DCDC2C: variants seen among roughly 807,000 people sequenced by gnomAD.
DCDC2C encodes doublecortin domain-containing protein 2C.
In DCDC2C, 44 loss-of-function variants were observed where a neutral mutation model predicts 45.0. The ratio of observed to expected loss-of-function variants is 0.98; its 90% CI spans 0.77 to 1.26. The LOEUF (loss-of-function observed/expected upper bound fraction) is 1.26, where lower values mean the gene tolerates loss of function less well. Among genes scored for constraint, DCDC2C ranks in the 50% most tolerant of loss-of-function variants. The probability of loss-of-function intolerance (pLI) is 0.00; values close to 1 mark genes in which losing one functional copy is unlikely to be tolerated. For missense variants in DCDC2C, 447 were observed against 468.9 expected, an observed-to-expected ratio of 0.95 and a Z score of 0.43; for synonymous variants, 187 against 178.8, an observed-to-expected ratio of 1.05 and a Z score of -0.37.
chr2:3,749,827 C>T (rs1482124342), intron 4 of DCDC2C, among the ~76,000 whole-genome samples: 1 of 152,174 alleles, frequency 6.6e-6, no homozygotes, highest in Non-Finnish European at 1.5e-5. Flanking sequence ...AAGCACACAA[C>T]TTCCTAGAAG....
chr2:3,758,539 A>G (rs190540586), intron 6 of DCDC2C, among the ~76,000 whole-genome samples: 1 of 152,360 alleles, frequency 6.6e-6, no homozygotes, highest in African/African-American at 2.4e-5. Flanking sequence ...GATTCCATCT[A>G]TTCTTGCAGA....
At chr2:3,755,818 G>A (rs1459617571) in intron 6 of DCDC2C, among the ~76,000 whole-genome samples, 5 of 152,054 alleles carry the variant, frequency 3.3e-5, no homozygotes, top group African/African-American at 1.2e-4. Flanking sequence ...ATGTGTGCAT[G>A]TGTGCATGAG....
chr2:3,782,102 C>T (rs959217602), intron 9 of DCDC2C, among the ~76,000 whole-genome samples: 2 of 152,100 alleles, frequency 1.3e-5, no homozygotes. Flanking sequence ...AACTCTGTGC[C>T]ACCTCCCTGT....
chr2:3,839,750 G>A (rs915912790), intron 10 of DCDC2C, among the ~76,000 whole-genome samples: 5 of 152,142 alleles, frequency 3.3e-5, no homozygotes, highest in African/African-American at 1.2e-4. Context: ...GTCAGCTCCC[G>A]CATCTGCTCC....
chr2:3,714,350 G>A lies in DCDC2C; in HGVS notation c.339+5750G>A, dbSNP rs144988125. 9.4e-3 allele frequency among the ~76,000 whole-genome samples: 1,425 copies of A among 152,280 alleles called. 19 individuals are homozygous for A. The highest frequency in any genetic ancestry group is 0.033 in the African/African-American group (1,366 of 41,548). On this transcript the variant is annotated intron_variant, in intron 2 of 10. Coordinates refer to ENST00000399143, the MANE Select transcript of DCDC2C (RefSeq NM_001287444.2). ...GGCTTTCAATGACTGTGCCATGTTG[G>A]TTTAATGAGAAAAGTGTCCTTGGTC...
chr2:3,754,709 G>A lies in DCDC2C; in HGVS notation c.726+75G>A, dbSNP rs754388751. 5.9e-5 allele frequency: 78 copies of A among 1,324,602 alleles called. No homozygotes were observed. In the Middle Eastern group the frequency reaches 7.3e-4, roughly 12 times the overall value. The allele number at this position is 1,324,602 out of a possible 1,614,324, so 82.1% of individuals were successfully genotyped here. On this transcript the variant is annotated intron_variant, in intron 6 of 10. Transcript: ENST00000399143. The stretch of plus-strand genomic sequence containing the variant: ...CTTCTGGCATTAACAAGGGCACAGC[G>A]CAGGGTGACGGCCCGAGCTGTAAAC...
chr2:3,794,935 G>A (rs574203748), intron 10 of DCDC2C, among the ~76,000 whole-genome samples: 20 of 152,140 alleles, frequency 1.3e-4, no homozygotes, highest in African/African-American at 2.9e-4. Flanking sequence ...CTGAGGAATC[G>A]CCACACTGAC....
At chr2:3,809,394 G>A (rs1291719840) in intron 10 of DCDC2C, among the ~76,000 whole-genome samples, 5 of 152,124 alleles carry the variant, frequency 3.3e-5, no homozygotes, top group Non-Finnish European at 7.4e-5. Flanking sequence ...ATTTATTCAT[G>A]TCTATTTTTG....
chr2:3,767,800 C>G lies in DCDC2C; in HGVS notation c.773C>G (p.Pro258Arg), dbSNP rs1341599257. ...CCTTGTAAATATGATGGCATACCCC[C>G]TAAAACACAGGATTCTGTTTATTAT... ...KEPCKYDGIP[P>R]KTQDSVYYAK... Residue 258 changes from proline (P) to arginine (R), a missense_variant, in exon 7 of 11, where the codon CCT becomes CGT. Coordinates refer to ENST00000399143, the MANE Select transcript of DCDC2C (RefSeq NM_001287444.2). 8 of 1,549,824 alleles carry G rather than the reference C, an allele frequency of 5.2e-6. No homozygotes were observed. In the South Asian group the frequency reaches 8.4e-5, roughly 16 times the overall value.
chr2:3,759,104 CA>C (rs1382267620), intron 6 of DCDC2C, among the ~76,000 whole-genome samples: 4 of 152,150 alleles, frequency 2.6e-5, no homozygotes, highest in Non-Finnish European at 5.9e-5. Context: ...ATGTGCAGTT[CA>C]GGTACCAACG....
chr2:3,745,070 C>T (rs1444791864), intron 4 of DCDC2C, among the ~76,000 whole-genome samples: 5 of 152,182 alleles, frequency 3.3e-5, no homozygotes. Flanking sequence ...ACTGCAACCT[C>T]CACCTCCCAG....
At chr2:3,757,152 T>C (rs537480215) in intron 6 of DCDC2C, among the ~76,000 whole-genome samples, 1 of 152,378 alleles carries the variant, frequency 6.6e-6, no homozygotes, top group South Asian at 2.1e-4. Flanking sequence ...CTGGAATTTA[T>C]GATGATTTGC....
intron 10 of DCDC2C, among the ~76,000 whole-genome samples, chr2:3,805,610 A>G (rs958400291): frequency 6.6e-6 from 1 of 152,218 alleles, no homozygotes; most frequent in Non-Finnish European, 1.5e-5. Flanking sequence ...AATGTTTCAC[A>G]GCGTATTTTA....
At chr2:3,732,523 G>A (rs1001516203) in intron 3 of DCDC2C, among the ~76,000 whole-genome samples, 1 of 152,142 alleles carries the variant, frequency 6.6e-6, no homozygotes, top group Non-Finnish European at 1.5e-5. Context: ...GGCCTTTCTT[G>A]TGTGGGGTTC....
At chr2:3,759,622 G>A (rs1222455014) in intron 6 of DCDC2C, among the ~76,000 whole-genome samples, 1 of 152,212 alleles carries the variant, frequency 6.6e-6, no homozygotes, top group Non-Finnish European at 1.5e-5. Flanking sequence ...GCAGGAGGAG[G>A]AAGCAGGACT....
intron 8 of DCDC2C, among the ~76,000 whole-genome samples, chr2:3,776,204 G>A (rs145730439): frequency 2.0e-5 from 3 of 152,254 alleles, no homozygotes; most frequent in Non-Finnish European, 4.4e-5. Context: ...TCTCATGCCC[G>A]AGTCCTTCTG....
intron 2 of DCDC2C, among the ~76,000 whole-genome samples, chr2:3,725,711 A>AG (rs1448473038): frequency 6.7e-6 from 1 of 149,034 alleles, no homozygotes. Flanking sequence ...GGAGATGAGC[A>AG]AAGAGTGACG....
Position 3,818,035 on chromosome 2 carries a change from G to C in DCDC2C, c.1066-29119G>C, listed in dbSNP as rs528288332. On this transcript the variant is annotated intron_variant, in intron 10 of 10. Transcript: ENST00000399143. This position sits in a 1 kb window ranked among gnomAD's most constrained non-coding sequence, Gnocchi z 4.7. ...TTTCATGAAGAATTATGCCAAAATA[G>C]ATAATGGATGAGGAAGAAATTTGGG... is the stretch of plus-strand genomic sequence containing the variant. Among the ~76,000 whole-genome samples the C allele has an allele frequency of 6.6e-6, 1 of 152,270 alleles. No individual in the cohort carries two copies. Among genetic ancestry groups the C allele is most frequent in the East Asian group, 1.9e-4 (1 of 5,180 alleles).
intron 10 of DCDC2C, among the ~76,000 whole-genome samples, chr2:3,835,128 A>G (rs1336642047): frequency 1.3e-5 from 2 of 152,176 alleles, no homozygotes; most frequent in Non-Finnish European, 2.9e-5. Flanking sequence ...TCCACTTGCC[A>G]TGTAATCCAT....
Sources: gnomAD v4.1 joint callset for allele counts (sites outside exome capture counted in the v4.1 genomes callset) on GRCh38, gnomAD v4.1.1 for gene constraint, Gnocchi (gnomAD v3.1) non-coding constraint, MANE v1.5 for transcripts, NCBI Gene and HGNC (gene_info 2026-07-23, HGNC 2026-07-21) for gene names.